Variants in MGMT observed in about 807,000 individuals in gnomAD.
MGMT encodes O-6-methylguanine-DNA methyltransferase.
A neutral mutation model predicts 15.9 loss-of-function variants in MGMT; 14 were observed. That is an observed-to-expected ratio of 0.88 (90% confidence interval 0.58 to 1.37). The LOEUF is 1.37. MGMT is among the 40% of genes most tolerant of loss of function. The pLI is 0.00. For synonymous variants in MGMT, 130 were observed against 118.2 expected (o/e 1.10, Z -0.65); for missense variants, 282 against 268.1 (o/e 1.05, Z -0.36).
chr10:129,744,632 C>G (rs1273764339), intron 3 of MGMT, among the ~76,000 whole-genome samples: 1 of 152,248 alleles, frequency 6.6e-6, no homozygotes. Flanking sequence ...CACACAGGCC[C>G]TATGGCTTTC....
chr10:129,488,004 T>TACACACACAC lies in MGMT; in HGVS notation c.-13+20736_-13+20745dup, dbSNP rs373298935. On this transcript the variant is annotated intron_variant, in intron 1 of 4. Transcript: ENST00000651593. ...ATACACACACACACACACATAGGTA[T>TACACACACAC]ACACACACACACACACACACACACA... Among the ~76,000 whole-genome samples the TACACACACAC allele has an allele frequency of 4.5e-3, 546 of 121,494 alleles. 7 individuals carry two copies. The highest frequency in any genetic ancestry group is 6.2e-3 in the Non-Finnish European group (377 of 60,368). The allele number at this position is 121,494 out of a possible 152,430, so 79.7% of individuals were successfully genotyped here.
chr10:129,596,689 C>A (rs1846755086), intron 2 of MGMT, among the ~76,000 whole-genome samples: 1 of 152,192 alleles, frequency 6.6e-6, no homozygotes, highest in East Asian at 1.9e-4. Context: ...CTTTTGATGC[C>A]TCAAGATATG....
chr10:129,489,127 G>A (rs1371571994), intron 1 of MGMT, among the ~76,000 whole-genome samples: 1 of 152,134 alleles, frequency 6.6e-6, no homozygotes, highest in African/African-American at 2.4e-5. Context: ...TTGGGAGACT[G>A]AGGTGGGCAG....
At chr10:129,598,629 A>G (rs534009478) in intron 2 of MGMT, among the ~76,000 whole-genome samples, 13 of 152,332 alleles carry the variant, frequency 8.5e-5, no homozygotes, top group East Asian at 1.9e-4. Context: ...GTTAAACTCT[A>G]TTTGGTGTTT....
intron 2 of MGMT, among the ~76,000 whole-genome samples, chr10:129,648,597 C>G (rs1847422236): frequency 2.6e-5 from 4 of 152,180 alleles, no homozygotes; most frequent in Admixed American, 2.0e-4. Context: ...TTCAGTAGTT[C>G]AGTTTAACAT....
intron 2 of MGMT, among the ~76,000 whole-genome samples, chr10:129,682,554 G>A (rs186553438): frequency 6.6e-6 from 1 of 152,080 alleles, no homozygotes; most frequent in Admixed American, 6.5e-5. Flanking sequence ...CTGGGGTTTT[G>A]TGCATGTAAA....
chr10:129,546,150 G>A (rs957960720), intron 2 of MGMT, among the ~76,000 whole-genome samples: 13 of 152,372 alleles, frequency 8.5e-5, no homozygotes, highest in African/African-American at 2.6e-4. Flanking sequence ...GCCCTGCTCC[G>A]TGTCAGACCA....
At chr10:129,497,125 G>C (rs1489750408) in intron 1 of MGMT, among the ~76,000 whole-genome samples, 1 of 152,158 alleles carries the variant, frequency 6.6e-6, no homozygotes, top group Non-Finnish European at 1.5e-5. Context: ...ATATAAAGCT[G>C]CTGGCCAGCT....
intron 2 of MGMT, among the ~76,000 whole-genome samples, chr10:129,562,161 C>T (rs1333354958): frequency 6.6e-6 from 1 of 152,150 alleles, no homozygotes; most frequent in Non-Finnish European, 1.5e-5. Flanking sequence ...AATTATATAC[C>T]ATTCATGACC....
intron 1 of MGMT, among the ~76,000 whole-genome samples, chr10:129,494,807 T>G (rs1845504578): frequency 6.6e-6 from 1 of 152,232 alleles, no homozygotes; most frequent in Admixed American, 6.5e-5. Context: ...CATCTGGTTT[T>G]CTTTGCTTGT....
At chr10:129,669,521 T>A (rs1847697849) in intron 2 of MGMT, among the ~76,000 whole-genome samples, 1 of 152,216 alleles carries the variant, frequency 6.6e-6, no homozygotes, top group Admixed American at 6.5e-5. Context: ...TTAGAAAGCA[T>A]TTATAAAATT....
At chr10:129,467,506 G>T (rs1451637837) in intron 1 of MGMT, 12 of 871,904 alleles carry the variant, frequency 1.4e-5, no homozygotes, top group African/African-American at 1.8e-5. Context: ...CCTGGACTAG[G>T]CTGCGCTGCA....
Position 129,577,240 on chromosome 10 carries a change from C to A in MGMT, c.125+40863C>A, listed in dbSNP as rs569678814. Among the ~76,000 whole-genome samples, 10 of 152,192 alleles carry A rather than the reference C, an allele frequency of 6.6e-5. No individual in the cohort carries two copies. The East Asian group carries it at 1.9e-3, about 29-fold the overall frequency. The stretch of plus-strand genomic sequence containing the variant: ...CCCACATTGCCAAGTCAATCCTAAG[C>A]CAAAAGAACAAAGCTGGAGGCATCA... On this transcript the variant is annotated intron_variant, in intron 2 of 4. Coordinates refer to ENST00000651593, the MANE Select transcript of MGMT (RefSeq NM_002412.5).
At chr10:129,580,399 G>A (rs1164731291) in intron 2 of MGMT, among the ~76,000 whole-genome samples, 1 of 152,214 alleles carries the variant, frequency 6.6e-6, no homozygotes, top group Non-Finnish European at 1.5e-5. Flanking sequence ...GCATGGAGAG[G>A]TGCAACAGTT....
intron 1 of MGMT, among the ~76,000 whole-genome samples, chr10:129,477,339 C>T (rs1175634303): frequency 6.6e-6 from 1 of 152,140 alleles, no homozygotes; most frequent in Non-Finnish European, 1.5e-5. Context: ...GGATGCTCTC[C>T]AAGGCCTGGT....
intron 2 of MGMT, among the ~76,000 whole-genome samples, chr10:129,632,054 G>T (rs967892055): frequency 6.6e-6 from 1 of 152,116 alleles, no homozygotes; most frequent in Non-Finnish European, 1.5e-5. Context: ...TTGTTTTTAT[G>T]CCTACAGCGT....
intron 2 of MGMT, among the ~76,000 whole-genome samples, chr10:129,600,278 C>A (rs1317411537): frequency 1.3e-5 from 2 of 152,172 alleles, no homozygotes; most frequent in Non-Finnish European, 2.9e-5. Flanking sequence ...TTAGGGGTAG[C>A]TCTCACCTTA....
intron 2 of MGMT, among the ~76,000 whole-genome samples, chr10:129,625,523 T>G (rs1182726574): frequency 1.3e-5 from 2 of 152,240 alleles, no homozygotes; most frequent in Admixed American, 1.3e-4. Context: ...ATATTTCCAG[T>G]GGGGTTTATT....
At chr10:129,598,068 G>T (rs1846772023) in intron 2 of MGMT, among the ~76,000 whole-genome samples, 1 of 142,670 alleles carries the variant, frequency 7.0e-6, no homozygotes. Flanking sequence ...CTGAGACTCG[G>T]TGCACGTATT....
Sources: gnomAD v4.1 joint callset for allele counts (sites outside exome capture counted in the v4.1 genomes callset) on GRCh38, gnomAD v4.1.1 for gene constraint, MANE v1.5 for transcripts, NCBI Gene and HGNC (gene_info 2026-07-23, HGNC 2026-07-21) for gene names.